FTCD: variants seen among roughly 807,000 people sequenced by gnomAD.
FTCD encodes the protein formimidoyltransferase cyclodeaminase.
In FTCD, 76 loss-of-function variants were observed where a neutral mutation model predicts 62.9. The observed-to-expected ratio is 1.21, with a 90% CI of 1.00 to 1.46. FTCD has a LOEUF of 1.46. Ranked by LOEUF, FTCD falls within the 40% of genes most tolerant of loss-of-function variation. The pLI is 0.00. For synonymous variants in FTCD, 397 were observed against 336.9 expected (o/e 1.18, Z -1.95); for missense variants, 845 against 751.3 (o/e 1.12, Z -1.46).
chr21:46,150,660 C>T (rs746463335), intron 5 of FTCD, 135 bp from the exon 6 acceptor site: 38 of 920,258 alleles, frequency 4.1e-5, no homozygotes, highest in South Asian at 1.9e-4. Flanking sequence ...GGTTCTCCTC[C>T]GTCCCTCACT....
In FTCD at chr21:46,155,575, C is replaced by A; in HGVS notation, c.-52G>T. Reference sequence around the variant, plus strand: ...TCTCTGGGCAGATGGAAGGACAGGGCCAGTGCTCCGCAGCCGCCGCCAGGG... The same window carrying A: ...TCTCTGGGCAGATGGAAGGACAGGGACAGTGCTCCGCAGCCGCCGCCAGGG... On this transcript the variant is annotated 5_prime_UTR_variant, in exon 1 of 14. Coordinates refer to ENST00000397746, the MANE Select transcript of FTCD (RefSeq NM_206965.2). The A allele has an allele frequency of 6.6e-7, 1 of 1,523,266 alleles. No individual in the cohort carries two copies. Among genetic ancestry groups the A allele is most frequent in the South Asian group, 1.1e-5 (1 of 89,350 alleles). 94.4% of individuals were successfully genotyped at this position (1,523,266 alleles called of 1,614,324 possible).
intron 10 of FTCD, 89 bp from the exon 11 acceptor site, chr21:46,139,012 G>C (rs2078936180): frequency 1.0e-6 from 1 of 993,274 alleles, no homozygotes; most frequent in Non-Finnish European, 1.6e-6. Flanking sequence ...GTAGCAAGGA[G>C]CATGTCCCAG....
At chr21:46,138,235 G>A (rs112059608) in intron 12 of FTCD, among the ~76,000 whole-genome samples, 2,066 of 152,314 alleles carry the variant, frequency 0.014, 32 homozygotes, top group African/African-American at 0.046. Context: ...GTGATACAAG[G>A]GGTCTTGGGG....
chr21:46,138,562 C>T lies in FTCD; in HGVS notation c.1389G>A (p.Pro463=), dbSNP rs576877652. Residue 463 remains proline (P), a synonymous_variant, in exon 12 of 14, where the codon CCG becomes CCA. Coordinates refer to ENST00000397746, the MANE Select transcript of FTCD (RefSeq NM_206965.2). ...TLAETVASLW[P]ALQELARCGN... ...CACACCGGGCCAGTTCCTGCAGGGC[C>T]GGCCACAGCGAGGCCACCGTCTCCG... The T allele has an allele frequency of 5.7e-5, 91 of 1,586,264 alleles. No individual in the cohort carries two copies. The highest frequency in any genetic ancestry group is 3.5e-4 in the South Asian group (31 of 88,710).
Position 46,147,942 on chromosome 21 carries a change from CAAA to C in FTCD, c.907-1618_907-1616del, listed in dbSNP as rs3057182. Among the ~76,000 whole-genome samples, 715 of 96,166 alleles carry C rather than the reference CAAA, an allele frequency of 7.4e-3. 1 individual carries two copies. Among genetic ancestry groups the C allele is most frequent in the Middle Eastern group, 0.011 (2 of 180 alleles). The allele number at this position is 96,166 out of a possible 152,430, so 63.1% of individuals were successfully genotyped here. On this transcript the variant is annotated intron_variant, in intron 7 of 13. Coordinates refer to ENST00000397746, the MANE Select transcript of FTCD (RefSeq NM_206965.2). ...TGGGTGACAAAGTGAGGCTCCATCT[CAAA>C]AAAAAAAAAAAAAAAGAAGAAGACA...
At chr21:46,145,292 G>A (rs1007829343) in intron 10 of FTCD, 125 bp downstream of exon 10, 4 of 752,106 alleles carry the variant, frequency 5.3e-6, no homozygotes, top group Admixed American at 5.4e-5. Flanking sequence ...CAGTGGTGAC[G>A]CCCTCAGGCC....
At chr21:46,150,855 C>T (rs2079254285) in intron 5 of FTCD, among the ~76,000 whole-genome samples, 1 of 152,268 alleles carries the variant, frequency 6.6e-6, no homozygotes, top group Non-Finnish European at 1.5e-5. Flanking sequence ...CCATGCCGTT[C>T]TCCCATCCCA....
At chr21:46,145,352 TG>T in intron 10 of FTCD, 64 bp downstream of exon 10, 1 of 1,379,814 alleles carries the variant, frequency 7.2e-7, no homozygotes, top group East Asian at 2.6e-5. Context: ...CGCTTCTCAC[TG>T]GGGCCCCAGC....
intron 12 of FTCD, among the ~76,000 whole-genome samples, chr21:46,138,215 G>C (rs531317126): frequency 1.3e-5 from 2 of 152,322 alleles, no homozygotes; most frequent in African/African-American, 4.8e-5. Context: ...TCTAGAACAA[G>C]ACAGTGGGGG....
Position 46,152,952 on chromosome 21 carries a change from C to A in FTCD, c.322G>T (p.Ala108Ser). The change falls in exon 3 of 14, where the codon GCC (alanine) becomes TCC (serine). Residue 108 changes from alanine (A) to serine (S), a missense_variant. Ala to Ser is a moderately conservative substitution (Grantham distance 99, BLOSUM62 1). Transcript: ENST00000397746. ...GVSVDECVLC[A>S]QAFGQRLAEE... ...GCCAGCCTCTGGCCAAAGGCCTGGGCGCAGAGCACACACTCATCCACGCTG... is the reference window on the plus strand; with the variant it reads ...GCCAGCCTCTGGCCAAAGGCCTGGGAGCAGAGCACACACTCATCCACGCTG... The A allele has an allele frequency of 6.4e-7, 1 of 1,563,012 alleles. No homozygotes were observed. Among genetic ancestry groups the A allele is most frequent in the Non-Finnish European group, 8.7e-7 (1 of 1,153,988 alleles).
rs774835292 is a variant in FTCD at position 46,145,928 on chromosome 21, C to G, written c.988G>C (p.Gly330Arg). 7.3e-6 allele frequency: 11 copies of G among 1,505,360 alleles called. No homozygotes were observed. Among genetic ancestry groups the G allele is most frequent in the African/African-American group, 2.9e-5 (2 of 68,732 alleles). The allele number at this position is 1,505,360 out of a possible 1,614,324, so 93.3% of individuals were successfully genotyped here. Reference sequence around the variant, plus strand: ...TTGCTGCCCAGGCCTCGCTCAGGCCCGCGCTCAGGGACCAGGTACCTGCAG... The same window carrying G: ...TTGCTGCCCAGGCCTCGCTCAGGCCGGCGCTCAGGGACCAGGTACCTGCAG... Reference protein sequence around the residue: ...RIIEYLVPERGPERGLGSKSL... With the variant: ...RIIEYLVPERRPERGLGSKSL... The change falls in exon 9 of 14, where the codon GGG (glycine) becomes CGG (arginine). Residue 330 changes from glycine to arginine, a missense_variant. By Grantham distance (125) the Gly-to-Arg change is moderately radical. Coordinates refer to ENST00000397746, the MANE Select transcript of FTCD (RefSeq NM_206965.2).
intron 1 of FTCD, 51 bp from the exon 2 acceptor site, chr21:46,154,383 G>T: frequency 6.4e-7 from 1 of 1,569,548 alleles, no homozygotes; most frequent in African/African-American, 1.4e-5. Context: ...TTGAAAGAAG[G>T]AAAAGGAGCT....
At chr21:46,137,364 G>A (rs940372926) in intron 12 of FTCD, 30 bp from the exon 13 acceptor site, 2 of 1,534,498 alleles carry the variant, frequency 1.3e-6, no homozygotes, top group Non-Finnish European at 1.8e-6. Flanking sequence ...CCCCTACATG[G>A]ATCAAGGCTG....
chr21:46,137,673 A>G (rs933179721), intron 12 of FTCD, among the ~76,000 whole-genome samples: 2 of 152,190 alleles, frequency 1.3e-5, no homozygotes, highest in Non-Finnish European at 2.9e-5. Context: ...CGGCCCGCCC[A>G]CTGCCCAGGG....
At chr21:46,153,108 C>T in intron 2 of FTCD, 73 bp from the exon 3 acceptor site, 1 of 1,460,272 alleles carries the variant, frequency 6.8e-7, no homozygotes, top group South Asian at 1.3e-5. Flanking sequence ...GGTTCTCGGA[C>T]CCTCTGTCCT....
chr21:46,154,820 C>T (rs1303914925), intron 1 of FTCD, among the ~76,000 whole-genome samples: 1 of 152,240 alleles, frequency 6.6e-6, no homozygotes, highest in Admixed American at 6.5e-5. Context: ...TTGGTGCTGG[C>T]TGGAATCCCG....
intron 2 of FTCD, among the ~76,000 whole-genome samples, chr21:46,153,538 C>T (rs751313895): frequency 1.8e-4 from 28 of 152,322 alleles, no homozygotes; most frequent in Non-Finnish European, 2.1e-4. Flanking sequence ...TGTGGCTACA[C>T]CAAGCCGTGG....
intron 10 of FTCD, among the ~76,000 whole-genome samples, chr21:46,140,159 TC>T (rs1340760397): frequency 6.6e-6 from 1 of 151,764 alleles, no homozygotes; most frequent in Non-Finnish European, 1.5e-5. Context: ...AATCCAGCAC[TC>T]CCCGTCCACC....
At chr21:46,139,045 C>A (rs1215723953) in intron 10 of FTCD, 122 bp from the exon 11 acceptor site, 10 of 798,062 alleles carry the variant, frequency 1.3e-5, no homozygotes, top group Non-Finnish European at 2.2e-5. Context: ...TCTCTGGGAA[C>A]CAAGCTTCTG....
Sources: allele counts gnomAD v4.1 joint callset (sites outside exome capture counted in the v4.1 genomes callset), GRCh38; gene constraint gnomAD v4.1.1; transcripts MANE v1.5; gene names NCBI Gene and HGNC (gene_info 2026-07-23, HGNC 2026-07-21).